NMRK1: variants seen among roughly 807,000 people sequenced by gnomAD.
NMRK1 encodes NRK 1.
In NMRK1, 28 loss-of-function variants were observed where a neutral mutation model predicts 29.9. The observed-to-expected ratio is 0.94, with a 90% confidence interval of 0.69 to 1.28. The LOEUF (loss-of-function observed/expected upper bound fraction) is 1.28, where lower values mean the gene tolerates loss of function less well. Among genes scored for constraint, NMRK1 ranks in the 50% most tolerant of loss-of-function variants. The pLI, the probability that NMRK1 is intolerant of heterozygous loss-of-function variation, is 0.00. For missense variants in NMRK1, 218 were observed against 233.1 expected (o/e 0.94, Z 0.42); for synonymous variants, 58 against 73.0 (o/e 0.79, Z 1.05).
Position 75,082,407 on chromosome 9 carries a change from TACAA to T in NMRK1, c.29+676_29+679del, listed in dbSNP as rs1252574295. 1.6e-4 allele frequency among the ~76,000 whole-genome samples: 24 copies of T among 152,332 alleles called. 1 individual carries two copies. The highest frequency in any genetic ancestry group is 2.6e-4 in the Non-Finnish European group (18 of 68,034). ...CATAACACAATGATTTCCCCAAAAT[TACAA>T]ACAAAGTAGTCTCAGATATTTTATT... is the stretch of plus-strand genomic sequence containing the variant. On this transcript the variant is annotated intron_variant, in intron 2 of 8. Transcript: ENST00000361092.
intron 1 of NMRK1, among the ~76,000 whole-genome samples, chr9:75,085,735 T>TTG (rs1564144470): frequency 7.0e-6 from 1 of 142,790 alleles, no homozygotes; most frequent in Non-Finnish European, 1.5e-5. Flanking sequence ...AGTTTTTTTT[T>TTG]TTTTTTTTTT....
chr9:75,072,431 A>G (rs897208012), intron 4 of NMRK1, among the ~76,000 whole-genome samples: 3 of 152,164 alleles, frequency 2.0e-5, no homozygotes, highest in Non-Finnish European at 4.4e-5. Flanking sequence ...AGTTAAAAAT[A>G]TTTTCTAATT....
intron 8 of NMRK1, among the ~76,000 whole-genome samples, chr9:75,062,752 C>T (rs1823096210): frequency 6.6e-6 from 1 of 152,180 alleles, no homozygotes. Flanking sequence ...TTTAAAAAGG[C>T]TGAGCATGGT....
At chr9:75,066,594 ACC>A (rs5898392) in intron 8 of NMRK1, among the ~76,000 whole-genome samples, 161 bp downstream of exon 8, 1 of 151,470 alleles carries the variant, frequency 6.6e-6, no homozygotes, top group African/African-American at 2.4e-5. Context: ...GAGTCTCCAA[ACC>A]CCCCCCCAGA....
At chr9:75,062,591 T>A (rs535410459) in intron 8 of NMRK1, among the ~76,000 whole-genome samples, 20 of 152,336 alleles carry the variant, frequency 1.3e-4, no homozygotes, top group African/African-American at 3.8e-4. Context: ...GAGATAAGCA[T>A]GGCTGATTAA....
chr9:75,074,822 G>C (rs1367676795), intron 4 of NMRK1, among the ~76,000 whole-genome samples: 2 of 152,124 alleles, frequency 1.3e-5, no homozygotes, highest in Admixed American at 6.5e-5. Flanking sequence ...AGAAAGCCTT[G>C]ACTAGTACTT....
chr9:75,081,909 A>T (rs1824345458), intron 2 of NMRK1, among the ~76,000 whole-genome samples: 1 of 152,222 alleles, frequency 6.6e-6, no homozygotes, highest in Non-Finnish European at 1.5e-5. Flanking sequence ...CAAAAGGATA[A>T]GCCAATTCTA....
intron 2 of NMRK1, among the ~76,000 whole-genome samples, chr9:75,080,713 A>C (rs946897448): frequency 6.6e-6 from 1 of 152,220 alleles, no homozygotes; most frequent in African/African-American, 2.4e-5. Context: ...TCATGAGGGC[A>C]GATCGCTCAT....
In NMRK1 at chr9:75,077,139, T is replaced by A; in HGVS notation, c.169+20A>T. On this transcript the variant is annotated intron_variant, in intron 4 of 8. Transcript: ENST00000361092. ...AAAATGAACATAAGCATATAATATT[T>A]GACAAGTAAATCTACTTACCATCGT... 8 of 1,423,106 alleles carry A rather than the reference T, an allele frequency of 5.6e-6. No homozygotes were observed. Among genetic ancestry groups the A allele is most frequent in the Non-Finnish European group, 7.9e-6 (8 of 1,014,228 alleles). 88.2% of individuals were successfully genotyped at this position (1,423,106 alleles called of 1,614,324 possible).
At chr9:75,076,888 C>G (rs139835856) in intron 4 of NMRK1, among the ~76,000 whole-genome samples, 17 of 152,332 alleles carry the variant, frequency 1.1e-4, no homozygotes, top group Non-Finnish European at 1.9e-4. Context: ...GCCTCCAAGC[C>G]TGGCCCCAGT....
Position 75,081,217 on chromosome 9 carries a change from T to G in NMRK1, c.29+1870A>C, listed in dbSNP as rs142581292. ...CTTCCTAGGGAAGCAAGTGGCTAAG[T>G]TCATAAGATGCAAGGCAGGAACAAA... On this transcript the variant is annotated intron_variant, in intron 2 of 8. Transcript: ENST00000361092. 3.9e-5 allele frequency among the ~76,000 whole-genome samples: 6 copies of G among 152,342 alleles called. 1 individual carries two copies. The East Asian group carries it at 9.7e-4, about 25-fold the overall frequency.
chr9:75,066,430 T>A (rs1564125422), intron 8 of NMRK1: 1 of 401,246 alleles, frequency 2.5e-6, no homozygotes, highest in African/African-American at 2.1e-5. Flanking sequence ...CTAAAAAAAA[T>A]CATCAGCATT....
rs538208789 is a variant in NMRK1 at position 75,063,450 on chromosome 9, C to T, written c.581-1883G>A. 1.0e-3 allele frequency among the ~76,000 whole-genome samples: 154 copies of T among 151,918 alleles called. 1 individual carries two copies. Among genetic ancestry groups the T allele is most frequent in the African/African-American group, 3.4e-3 (139 of 41,448 alleles). On this transcript the variant is annotated intron_variant, in intron 8 of 8. Transcript: ENST00000361092. ...TGTTTTTAAAGGGAGTTTGAATGTT[C>T]CTGGTGGCTAGACTACTTTGTTTTA...
At position 75,061,300 on chromosome 9, in the gene NMRK1, AC is replaced by A. The variant is rs1402037131; in HGVS notation, c.*247del. The A allele has an allele frequency of 2.4e-6, 1 of 424,670 alleles. No homozygotes were observed. Among genetic ancestry groups the A allele is most frequent in the Non-Finnish European group, 4.2e-6 (1 of 239,472 alleles). The allele number at this position is 424,670 out of a possible 1,614,324, so 26.3% of individuals were successfully genotyped here. ...ATGTTCAGAAAGTGGAGACTTTCTG[AC>A]TCACTGTGAGCTCTGCTGTATCTAT... On this transcript the variant is annotated 3_prime_UTR_variant, in exon 9 of 9. Coordinates refer to ENST00000361092, the MANE Select transcript of NMRK1 (RefSeq NM_017881.3).
Position 75,061,225 on chromosome 9 carries a change from C to T in NMRK1, c.*323G>A, listed in dbSNP as rs2117941850. On this transcript the variant is annotated 3_prime_UTR_variant, in exon 9 of 9. Coordinates refer to ENST00000361092, the MANE Select transcript of NMRK1 (RefSeq NM_017881.3). ...TTGGATTGTGATGTAATCTTTATTT[C>T]TTACTCTGAGCTCCAGTTAGAAAAG... The T allele has an allele frequency of 3.2e-6, 1 of 310,558 alleles. No homozygotes were observed. The highest frequency in any genetic ancestry group is 5.9e-6 in the Non-Finnish European group (1 of 168,246). The allele number at this position is 310,558 out of a possible 1,614,324, so 19.2% of individuals were successfully genotyped here.
At chr9:75,071,955 C>G (rs1416088176) in intron 4 of NMRK1, among the ~76,000 whole-genome samples, 1 of 152,188 alleles carries the variant, frequency 6.6e-6, no homozygotes, top group East Asian at 1.9e-4. Context: ...ATCCAACCCC[C>G]ATGGGTGACG....
In NMRK1 at chr9:75,077,270, C is replaced by A; in HGVS notation, c.121-63G>T. ...AGGAAAGAAATAATACAATTATAGA[C>A]TAAAAAGGAGAGAAGTCTTTAATAA... is the stretch of plus-strand genomic sequence containing the variant. On this transcript the variant is annotated intron_variant, in intron 3 of 8. Coordinates refer to ENST00000361092, the MANE Select transcript of NMRK1 (RefSeq NM_017881.3). 2.6e-6 allele frequency: 3 copies of A among 1,151,004 alleles called. No homozygotes were observed. In the South Asian group the frequency reaches 3.9e-5, roughly 15 times the overall value. The allele number at this position is 1,151,004 out of a possible 1,614,324, so 71.3% of individuals were successfully genotyped here. A position where few individuals can be genotyped will look rare whatever the true frequency, so the allele number is the denominator to read the frequency against.
intron 2 of NMRK1, among the ~76,000 whole-genome samples, chr9:75,079,510 C>T (rs1485837809): frequency 6.6e-6 from 1 of 152,212 alleles, no homozygotes; most frequent in African/African-American, 2.4e-5. Flanking sequence ...TAGATCCTTT[C>T]TCACTGACTT....
At chr9:75,068,476 T>TG (rs1823497116) in intron 7 of NMRK1, among the ~76,000 whole-genome samples, 1 of 152,228 alleles carries the variant, frequency 6.6e-6, no homozygotes, top group Non-Finnish European at 1.5e-5. Flanking sequence ...TCCTGTCCCC[T>TG]GGCCCTTTCG....
Sources: allele counts gnomAD v4.1 joint callset (sites outside exome capture counted in the v4.1 genomes callset), GRCh38; gene constraint gnomAD v4.1.1; transcripts MANE v1.5; gene names NCBI Gene and HGNC (gene_info 2026-07-23, HGNC 2026-07-21).